The following SORBS2 variants were observed in gnomAD, a reference collection of about 807,000 sequenced individuals.
SORBS2 encodes sorbin and SH3 domain containing 2, also known as sorbin and SH3 domain-containing protein 2.
In SORBS2, 46 loss-of-function variants were observed where a neutral mutation model predicts 97.7. That is an observed-to-expected ratio of 0.47 (90% confidence interval 0.37 to 0.60). The LOEUF (loss-of-function observed/expected upper bound fraction) is 0.60. SORBS2 is among the 20% of genes least tolerant of loss of function. SORBS2 has a pLI of 0.00. For missense variants in SORBS2, 1,316 were observed against 1,282.3 expected (o/e 1.03, Z -0.40); for synonymous variants, 476 against 473.4 (o/e 1.01, Z -0.07).
chr4:185,683,895 T>C (rs568520011), intron 2 of SORBS2, among the ~76,000 whole-genome samples: 22 of 152,326 alleles, frequency 1.4e-4, no homozygotes, highest in African/African-American at 5.1e-4. Context: ...GTGATATGCA[T>C]AATGAGAATT....
chr4:185,768,712 C>CAAAAAAAAAAAAAAAAAAAAAAA (rs72088117), intron 2 of SORBS2, among the ~76,000 whole-genome samples: 1 of 116,804 alleles, frequency 8.6e-6, no homozygotes. Flanking sequence ...AAAAAAAAAA[C>CAAAAAAAAAAAAAAAAAAAAAAA]AAAAAAACAA....
chr4:185,678,753 G>C, intron 3 of SORBS2, 43 bp downstream of exon 6: 1 of 1,346,628 alleles, frequency 7.4e-7, no homozygotes, highest in Non-Finnish European at 1.0e-6. Flanking sequence ...TTTTCTAAAA[G>C]TCACAAATAA....
At chr4:185,657,821 G>C (rs1035386551), upstream of SORBS2, among the ~76,000 whole-genome samples, 2 of 152,148 alleles carry the variant, frequency 1.3e-5, no homozygotes, top group African/African-American at 4.8e-5. Flanking sequence ...AAGGCTGAGG[G>C]AAGAATGGCA....
chr4:185,616,345 G>GA (rs756504860), intron 9 of SORBS2, among the ~76,000 whole-genome samples: 6 of 152,274 alleles, frequency 3.9e-5, no homozygotes, highest in Middle Eastern at 3.4e-3. Flanking sequence ...CTTCACAATT[G>GA]AAAATGTGTT....
exon 7 of SORBS2, chr4:185,624,383 G>C (rs761101838): frequency 1.9e-6 from 3 of 1,614,188 alleles, no homozygotes; most frequent in Non-Finnish European, 2.5e-6. Context: ...TGAGTCCCGA[G>C]GGACATCCAA....
intron 1 of SORBS2, among the ~76,000 whole-genome samples, chr4:185,885,916 T>C (rs2099239170): frequency 6.6e-6 from 1 of 152,232 alleles, no homozygotes; most frequent in Non-Finnish European, 1.5e-5. Flanking sequence ...TCTGTTTTGA[T>C]GCGTAGGTGC....
intron 1 of SORBS2, among the ~76,000 whole-genome samples, chr4:185,818,796 A>G (rs1450869024): frequency 6.6e-6 from 1 of 151,242 alleles, no homozygotes; most frequent in Non-Finnish European, 1.5e-5. Context: ...ACTGCACTCC[A>G]GCCTGGGTGA....
chr4:185,863,448 C>T (rs2099225028), intron 1 of SORBS2, among the ~76,000 whole-genome samples: 1 of 152,348 alleles, frequency 6.6e-6, no homozygotes, highest in South Asian at 2.1e-4. Flanking sequence ...AATATACTCA[C>T]AGCTTTAATT....
intron 1 of SORBS2, among the ~76,000 whole-genome samples, chr4:185,818,825 CA>C (rs111877772): frequency 0.056 from 7,290 of 131,230 alleles, 193 homozygotes; most frequent in African/African-American, 0.071. Context: ...GACTCTGTCT[CA>C]AAAAAAAAAA....
At chr4:185,919,287 C>G (rs2099259859) in intron 1 of SORBS2, 2 of 152,160 alleles carry the variant, frequency 1.3e-5, no homozygotes, top group African/African-American at 4.8e-5. Flanking sequence ...TCCCAAAACT[C>G]TTACTCTTTT....
intron 2 of SORBS2, among the ~76,000 whole-genome samples, chr4:185,710,916 T>C (rs2098414126): frequency 6.6e-6 from 1 of 152,184 alleles, no homozygotes; most frequent in Non-Finnish European, 1.5e-5. Flanking sequence ...TGCAAATAAA[T>C]CGTGTGCAAA....
intron 2 of SORBS2, among the ~76,000 whole-genome samples, chr4:185,765,302 ATAAT>A (rs2098927876): frequency 2.0e-5 from 3 of 152,300 alleles, no homozygotes; most frequent in African/African-American, 7.2e-5. Flanking sequence ...TATATGTTAG[ATAAT>A]TCTTAAATTA....
In SORBS2 at chr4:185,651,842, C is replaced by T. The variant is rs1292894976; in HGVS notation, c.91+820G>A. 1 of 1,251,968 alleles carries T rather than the reference C, an allele frequency of 8.0e-7. No homozygotes were observed. The highest frequency in any genetic ancestry group is 1.2e-5 in the South Asian group (1 of 80,944). 77.6% of individuals were successfully genotyped at this position (1,251,968 alleles called of 1,614,324 possible). The stretch of plus-strand genomic sequence containing the variant: ...CTGTGTCATCATCTAGAAAATGAAA[C>T]ATAAATATTATGGTAATATAGATTG... On this transcript the variant is annotated intron_variant, in intron 2 of 14. Coordinates refer to ENST00000418609, the Ensembl canonical transcript of SORBS2.
chr4:185,755,981 C>T (rs1436345863), intron 2 of SORBS2, among the ~76,000 whole-genome samples: 2 of 152,148 alleles, frequency 1.3e-5, no homozygotes. Flanking sequence ...AAAGAGGTCT[C>T]AGATTTTTAC....
chr4:185,761,764 T>C (rs551031718), intron 2 of SORBS2, among the ~76,000 whole-genome samples: 91 of 152,304 alleles, frequency 6.0e-4, no homozygotes, highest in African/African-American at 2.0e-3. Context: ...TGCCCAGCAG[T>C]GAGCCACACC....
chr4:185,853,746 G>A (rs538381603), intron 1 of SORBS2, among the ~76,000 whole-genome samples: 4 of 152,176 alleles, frequency 2.6e-5, no homozygotes, highest in African/African-American at 9.6e-5. Context: ...CATGGCGAGT[G>A]TTCCAAAATA....
chr4:185,884,904 G>A (rs1299568104), intron 1 of SORBS2, among the ~76,000 whole-genome samples: 1 of 152,182 alleles, frequency 6.6e-6, no homozygotes, highest in African/African-American at 2.4e-5. Context: ...TCAAGTTACA[G>A]TCATACTGCT....
chr4:185,600,701 C>T (rs909224892), intron 12 of SORBS2, among the ~76,000 whole-genome samples: 2 of 152,102 alleles, frequency 1.3e-5, no homozygotes, highest in African/African-American at 4.8e-5. Context: ...TCAAACCTGC[C>T]CTGCTTTTTC....
chr4:185,892,958 G>C (rs1365823645), intron 1 of SORBS2, among the ~76,000 whole-genome samples: 2 of 152,096 alleles, frequency 1.3e-5, no homozygotes, highest in Admixed American at 1.3e-4. Flanking sequence ...GAGAAACCTT[G>C]AGCAAGTGAA....
Sources: gnomAD v4.1 joint callset for allele counts (sites outside exome capture counted in the v4.1 genomes callset) on GRCh38, gnomAD v4.1.1 for gene constraint, MANE v1.5 for transcripts, NCBI Gene and HGNC (gene_info 2026-07-23, HGNC 2026-07-21) for gene names.